The following FAM193A variants were observed in gnomAD, a reference collection of about 807,000 sequenced individuals.
FAM193A encodes protein FAM193A.
A neutral mutation model predicts 126.5 loss-of-function variants in FAM193A; 22 were observed. That is an observed-to-expected ratio of 0.17 (90% CI 0.12 to 0.25). The LOEUF (loss-of-function observed/expected upper bound fraction) is 0.25, where lower values mean the gene tolerates loss of function less well. FAM193A is among the 10% of genes least tolerant of loss of function. The probability of loss-of-function intolerance (pLI) is 1.00; values close to 1 mark genes in which losing one functional copy is unlikely to be tolerated. For synonymous variants in FAM193A, 761 were observed against 646.8 expected (o/e 1.18, Z -2.68); for missense variants, 1,675 against 1,672.8 (o/e 1.00, Z -0.02).
At chr4:2,690,450 C>G (rs961315745) in intron 14 of FAM193A, among the ~76,000 whole-genome samples, 1 of 152,304 alleles carries the variant, frequency 6.6e-6, no homozygotes, top group African/African-American at 2.4e-5. Context: ...GTAATAGTAC[C>G]AACCTCAGAA....
At chr4:2,535,820 G>C (rs1034645387), upstream of FAM193A, among the ~76,000 whole-genome samples, 3 of 152,208 alleles carry the variant, frequency 2.0e-5, no homozygotes, top group Non-Finnish European at 2.9e-5. Context: ...ATAGCAGGGA[G>C]AGGGCGGGCT....
chr4:2,729,994 C>G (rs553729642), intron 20 of FAM193A, among the ~76,000 whole-genome samples: 1 of 152,168 alleles, frequency 6.6e-6, no homozygotes, highest in East Asian at 1.9e-4. Flanking sequence ...CAGCCTTGAC[C>G]TCCCAGGCTC....
At chr4:2,580,894 C>T (rs977846617) in intron 1 of FAM193A, among the ~76,000 whole-genome samples, 2 of 152,170 alleles carry the variant, frequency 1.3e-5, no homozygotes, top group Non-Finnish European at 2.9e-5. Context: ...CTTTGGGAGG[C>T]CGAGGCGGGC....
chr4:2,721,357 A>G (rs694651), intron 20 of FAM193A, among the ~76,000 whole-genome samples: 39,065 of 147,754 alleles, frequency 0.26, 5,666 homozygotes, highest in Middle Eastern at 0.39. Context: ...GCATGGTGGT[A>G]CATGCCTGTA....
intron 13 of FAM193A, among the ~76,000 whole-genome samples, chr4:2,688,437 C>T (rs1480436272): frequency 6.6e-6 from 1 of 151,940 alleles, no homozygotes; most frequent in Admixed American, 6.6e-5. Context: ...AGTGTGGTAG[C>T]GAGCTGAGGC....
At chr4:2,538,454 A>G (rs906868185) in intron 1 of FAM193A, among the ~76,000 whole-genome samples, 5 of 152,086 alleles carry the variant, frequency 3.3e-5, no homozygotes, top group African/African-American at 9.7e-5. Context: ...TGGCGTCCCA[A>G]AGTGCTGGGA....
chr4:2,646,659 T>C, intron 6 of FAM193A, 26 bp from the exon 7 acceptor site: 4 of 1,569,656 alleles, frequency 2.5e-6, no homozygotes, highest in Non-Finnish European at 3.5e-6. Context: ...GTTCTTTCCT[T>C]TGTTACAAGG....
chr4:2,649,242 C>T lies in FAM193A; in HGVS notation c.1311+2410C>T, dbSNP rs565744847. ...TTAAAAAATTAGCCAGGCTGGGTGCCGTGTGTTTGTGGTTCCGGCCACTCC... is the reference window on the plus strand; with the variant it reads ...TTAAAAAATTAGCCAGGCTGGGTGCTGTGTGTTTGTGGTTCCGGCCACTCC... On this transcript the variant is annotated intron_variant, in intron 7 of 20. Transcript: ENST00000637812. Among the ~76,000 whole-genome samples, 6 of 151,284 alleles carry T rather than the reference C, an allele frequency of 4.0e-5. No homozygotes were observed. The South Asian group carries it at 6.3e-4, about 16-fold the overall frequency.
chr4:2,614,698 T>C (rs912190498), intron 2 of FAM193A, among the ~76,000 whole-genome samples: 6 of 152,244 alleles, frequency 3.9e-5, no homozygotes, highest in African/African-American at 1.4e-4. Flanking sequence ...ATTTCTACCT[T>C]AAGTGTTTGG....
At chr4:2,672,060 A>G in intron 12 of FAM193A, 61 bp from the exon 13 acceptor site, 1 of 1,570,734 alleles carries the variant, frequency 6.4e-7, no homozygotes, top group Non-Finnish European at 8.7e-7. Flanking sequence ...AATGTGACTG[A>G]CTTTAATTCA....
intron 7 of FAM193A, among the ~76,000 whole-genome samples, chr4:2,648,517 G>A (rs1258712776): frequency 6.6e-6 from 1 of 152,220 alleles, no homozygotes; most frequent in Non-Finnish European, 1.5e-5. Context: ...TTCCTGCTGT[G>A]GCTTGTCACT....
At chr4:2,542,359 C>T (rs1041772131) in intron 1 of FAM193A, among the ~76,000 whole-genome samples, 7 of 151,988 alleles carry the variant, frequency 4.6e-5, no homozygotes, top group Admixed American at 2.6e-4. Context: ...AAGCTGGTCT[C>T]GAACTCCTGA....
chr4:2,602,959 CTTTTTTTTTTTTTT>C (rs71178487), intron 2 of FAM193A, among the ~76,000 whole-genome samples: 2 of 42,292 alleles, frequency 4.7e-5, no homozygotes, highest in African/African-American at 1.2e-4. Context: ...TGCACCCGGC[CTTTTTTTTTTTTTT>C]TTTTTTTTTT....
chr4:2,728,896 CTT>C (rs34029424), intron 20 of FAM193A, among the ~76,000 whole-genome samples: 1 of 97,146 alleles, frequency 1.0e-5, no homozygotes, highest in African/African-American at 5.2e-5. Flanking sequence ...ACCTCCAAAA[CTT>C]TTTTTTTTTT....
At chr4:2,680,967 TTTA>T (rs1222805973) in intron 13 of FAM193A, among the ~76,000 whole-genome samples, 21 of 152,174 alleles carry the variant, frequency 1.4e-4, no homozygotes, top group Admixed American at 3.3e-4. Context: ...TATAATACCT[TTTA>T]TGTTTTTTTC....
chr4:2,665,604 G>A (rs1240814269), intron 12 of FAM193A, among the ~76,000 whole-genome samples: 3 of 152,120 alleles, frequency 2.0e-5, no homozygotes, highest in African/African-American at 7.2e-5. Flanking sequence ...AAACAGCTGG[G>A]CTCAAGCAGT....
At chr4:2,690,635 T>G in intron 14 of FAM193A, 63 bp from the exon 15 acceptor site, 1 of 1,482,326 alleles carries the variant, frequency 6.7e-7, no homozygotes, top group South Asian at 1.3e-5. Context: ...TCAGCATGTC[T>G]TTTAGGGTTT....
At chr4:2,716,282 A>G (rs1488254116) in intron 20 of FAM193A, among the ~76,000 whole-genome samples, 178 bp downstream of exon 20, 2 of 152,276 alleles carry the variant, frequency 1.3e-5, no homozygotes, top group South Asian at 2.1e-4. Flanking sequence ...CACCCCTCCC[A>G]TACTCCCAAC....
chr4:2,598,251 A>G (rs1273014049), intron 2 of FAM193A, among the ~76,000 whole-genome samples: 3 of 152,172 alleles, frequency 2.0e-5, no homozygotes, highest in Non-Finnish European at 4.4e-5. Flanking sequence ...ATACTTCTGT[A>G]ACTTGCATAA....
Sources: gnomAD v4.1 joint callset for allele counts (sites outside exome capture counted in the v4.1 genomes callset) on GRCh38, gnomAD v4.1.1 for gene constraint, MANE v1.5 for transcripts, NCBI Gene and HGNC (gene_info 2026-07-23, HGNC 2026-07-21) for gene names.